The following RTTN variants were observed in gnomAD, a reference collection of about 807,000 sequenced individuals.
RTTN encodes rotatin.
Under a neutral mutation model 269.2 loss-of-function variants are expected in RTTN, and 182 were observed. That is an observed-to-expected ratio of 0.68 (90% CI 0.60 to 0.76). The LOEUF (loss-of-function observed/expected upper bound fraction) is 0.76, where lower values mean the gene tolerates loss of function less well. Ranked by LOEUF, RTTN falls within the 30% of genes least tolerant of loss-of-function variation. The probability of loss-of-function intolerance (pLI) is 0.00; values close to 1 mark genes in which losing one functional copy is unlikely to be tolerated. For synonymous variants in RTTN, 1,006 were observed against 963.5 expected (o/e 1.04, Z -0.82); for missense variants, 2,545 against 2,608.6 (o/e 0.98, Z 0.53).
At position 70,140,185 on chromosome 18, in the gene RTTN, A is replaced by G. The variant is rs1257092334; in HGVS notation, c.2585T>C (p.Ile862Thr). ...AEQLAVIMQD[I>T]KMHAVVKKLC... ...CTTTTTCACCACAGCATGCATTTTAATATCTGTAGATAAAAAAAGTTACTA... is the reference window on the plus strand; with the variant it reads ...CTTTTTCACCACAGCATGCATTTTAGTATCTGTAGATAAAAAAAGTTACTA... Residue 862 changes from isoleucine to threonine, a missense_variant, in exon 20 of 49, where the codon ATT becomes ACT. Coordinates refer to ENST00000640769, the MANE Select transcript of RTTN (RefSeq NM_173630.4). 6 of 1,533,556 alleles carry G rather than the reference A, an allele frequency of 3.9e-6. No homozygotes were observed. Among genetic ancestry groups the G allele is most frequent in the East Asian group, 2.3e-5 (1 of 44,232 alleles). The allele number at this position is 1,533,556 out of a possible 1,614,324, so 95.0% of individuals were successfully genotyped here. A position where few individuals can be genotyped will look rare whatever the true frequency, so the allele number is the denominator to read the frequency against.
At chr18:70,176,900 G>T in intron 10 of RTTN, 55 bp from the exon 11 acceptor site, 1 of 1,370,344 alleles carries the variant, frequency 7.3e-7, no homozygotes, top group Non-Finnish European at 1.0e-6. Context: ...TTAGGGGCCA[G>T]TATACAAAAG....
intron 16 of RTTN, 21 bp from the exon 17 acceptor site, chr18:70,149,058 G>A (rs757982479): frequency 1.2e-6 from 2 of 1,604,442 alleles, no homozygotes; most frequent in Non-Finnish European, 1.7e-6. Context: ...TGTTTTTAAA[G>A]AGAAATTATT....
intron 2 of RTTN, among the ~76,000 whole-genome samples, chr18:70,204,754 T>C (rs1332010660): frequency 1.3e-5 from 2 of 152,246 alleles, no homozygotes; most frequent in African/African-American, 4.8e-5. Flanking sequence ...ACATTGGTAT[T>C]TATGAATCAC....
chr18:70,063,101 A>T (rs888475500), intron 35 of RTTN, among the ~76,000 whole-genome samples: 7 of 152,102 alleles, frequency 4.6e-5, no homozygotes, highest in Non-Finnish European at 1.0e-4. Context: ...ATTGCTGGAG[A>T]TAAATAAAAG....
intron 26 of RTTN, among the ~76,000 whole-genome samples, chr18:70,120,311 TTTTG>T (rs914354255): frequency 2.2e-4 from 34 of 152,050 alleles, no homozygotes; most frequent in African/African-American, 8.0e-4. Context: ...AAGAAATAAA[TTTTG>T]TTTTTTATAA....
intron 32 of RTTN, among the ~76,000 whole-genome samples, chr18:70,081,635 A>C (rs572747657): frequency 1.3e-5 from 2 of 152,326 alleles, no homozygotes; most frequent in Admixed American, 1.3e-4. Flanking sequence ...ACAACAAATA[A>C]GTAGCCTGCA....
chr18:70,110,401 A>G (rs1051533707), intron 27 of RTTN, among the ~76,000 whole-genome samples: 1 of 152,146 alleles, frequency 6.6e-6, no homozygotes, highest in Non-Finnish European at 1.5e-5. Context: ...CAGTGGGTGC[A>G]GGGCACAGAG....
chr18:70,174,147 T>TAA (rs10711584), intron 11 of RTTN, among the ~76,000 whole-genome samples: 1 of 142,356 alleles, frequency 7.0e-6, no homozygotes, highest in African/African-American at 2.6e-5. Flanking sequence ...TATGAAAGTT[T>TAA]AAAAAAAAAA....
chr18:70,120,664 T>C (rs1038342919), intron 26 of RTTN, among the ~76,000 whole-genome samples: 16 of 152,288 alleles, frequency 1.1e-4, no homozygotes, highest in African/African-American at 3.1e-4. Flanking sequence ...AAGAGACAGA[T>C]AGACCAACAA....
chr18:70,052,279 T>G (rs938828530), intron 38 of RTTN, among the ~76,000 whole-genome samples: 2 of 152,186 alleles, frequency 1.3e-5, no homozygotes, highest in African/African-American at 4.8e-5. Context: ...CTAGGTGTAC[T>G]TCAGCACCTA....
At chr18:70,022,455 T>A (rs2056733956) in intron 44 of RTTN, among the ~76,000 whole-genome samples, 1 of 152,134 alleles carries the variant, frequency 6.6e-6, no homozygotes, top group Admixed American at 6.6e-5. Context: ...ATCCCTTAAG[T>A]TAATAAACAT....
chr18:70,131,873 A>G (rs1210495589), intron 23 of RTTN: 2 of 152,020 alleles, frequency 1.3e-5, no homozygotes, highest in Non-Finnish European at 2.9e-5. Context: ...TAAATGTAAA[A>G]TGCATTAAAA....
At chr18:70,150,890 A>T (rs1451694756) in intron 14 of RTTN, among the ~76,000 whole-genome samples, 157 bp from the exon 15 acceptor site, 1 of 151,534 alleles carries the variant, frequency 6.6e-6, no homozygotes, top group Admixed American at 6.6e-5. Flanking sequence ...CCTGTCTAAC[A>T]GTTTCTTAGT....
chr18:70,196,379 G>C (rs1378865311), intron 7 of RTTN, 122 bp downstream of exon 7: 3 of 726,010 alleles, frequency 4.1e-6, no homozygotes, highest in Non-Finnish European at 6.7e-6. Flanking sequence ...ATACATTTAG[G>C]AGTGGGGAGT....
intron 40 of RTTN, among the ~76,000 whole-genome samples, chr18:70,047,337 T>A (rs925945295): frequency 4.6e-5 from 7 of 152,234 alleles, no homozygotes; most frequent in Admixed American, 2.0e-4. Flanking sequence ...ATGTACAACT[T>A]TAACTTAGTA....
intron 32 of RTTN, among the ~76,000 whole-genome samples, chr18:70,079,418 G>C (rs1417625919): frequency 6.6e-6 from 1 of 152,020 alleles, no homozygotes; most frequent in East Asian, 1.9e-4. Flanking sequence ...CCAAGCCCAG[G>C]ATATGCACAA....
At chr18:70,133,537 T>C (rs2060049062) in intron 23 of RTTN, among the ~76,000 whole-genome samples, 1 of 152,146 alleles carries the variant, frequency 6.6e-6, no homozygotes, top group Admixed American at 6.6e-5. Context: ...TTAGACAGAA[T>C]ACTACATAGA....
At chr18:70,038,466 C>T (rs1391144689) in intron 40 of RTTN, among the ~76,000 whole-genome samples, 2 of 152,148 alleles carry the variant, frequency 1.3e-5, no homozygotes, top group Non-Finnish European at 2.9e-5. Context: ...AGAGTCTTTG[C>T]CTGGTAATCT....
chr18:70,147,336 A>G (rs778017327), intron 17 of RTTN, among the ~76,000 whole-genome samples: 7 of 152,146 alleles, frequency 4.6e-5, no homozygotes, highest in Non-Finnish European at 8.8e-5. Context: ...ACAACTGCAT[A>G]TGGTATTCAG....
Sources: allele counts gnomAD v4.1 joint callset (sites outside exome capture counted in the v4.1 genomes callset), GRCh38; gene constraint gnomAD v4.1.1; transcripts MANE v1.5; gene names NCBI Gene and HGNC (gene_info 2026-07-23, HGNC 2026-07-21).